Variants in NALF1 observed in about 807,000 individuals in gnomAD.
NALF1 encodes family with sequence similarity 155 member A.
NALF1 carries 3 observed loss-of-function variants against 48.4 expected under a neutral mutation model. The observed-to-expected ratio is 0.06, with a 90% confidence interval of 0.03 to 0.16. The LOEUF is 0.16. Among genes scored for constraint, NALF1 ranks in the 10% least tolerant of loss-of-function variants. The pLI, the probability that NALF1 is intolerant of heterozygous loss-of-function variation, is 1.00. For missense variants in NALF1, 526 were observed against 571.5 expected (o/e 0.92, Z 0.81); for synonymous variants, 262 against 245.7 (o/e 1.07, Z -0.62).
intron 1 of NALF1, among the ~76,000 whole-genome samples, chr13:107,389,479 G>C (rs1355388265): frequency 6.6e-6 from 1 of 152,148 alleles, no homozygotes; most frequent in African/African-American, 2.4e-5. Context: ...ACAAGCCAAG[G>C]AGAGGGGCTG....
At chr13:107,624,844 T>A (rs1389219975) in intron 1 of NALF1, among the ~76,000 whole-genome samples, 2 of 152,184 alleles carry the variant, frequency 1.3e-5, no homozygotes, top group Non-Finnish European at 2.9e-5. Context: ...CAGAAAGAGA[T>A]ATGAGATTAT....
At chr13:107,622,445 A>C (rs1879544253) in intron 1 of NALF1, among the ~76,000 whole-genome samples, 1 of 114,890 alleles carries the variant, frequency 8.7e-6, no homozygotes, top group African/African-American at 2.7e-5. Flanking sequence ...GTCTCAAAAA[A>C]ACAAACAAAC....
At chr13:107,525,220 G>T (rs1265135926) in intron 1 of NALF1, among the ~76,000 whole-genome samples, 2 of 152,024 alleles carry the variant, frequency 1.3e-5, no homozygotes, top group Non-Finnish European at 2.9e-5. Flanking sequence ...TCAGGATTAA[G>T]AAGAGTCCCG....
intron 1 of NALF1, among the ~76,000 whole-genome samples, chr13:107,304,588 C>T (rs913339249): frequency 6.6e-6 from 1 of 152,144 alleles, no homozygotes; most frequent in African/African-American, 2.4e-5. Context: ...GGATCCAAGA[C>T]CAGAAATTGT....
chr13:107,672,067 G>A (rs1403194883), intron 1 of NALF1, among the ~76,000 whole-genome samples: 1 of 152,112 alleles, frequency 6.6e-6, no homozygotes, highest in Non-Finnish European at 1.5e-5. Context: ...GCCCTAACAT[G>A]TTCGGAGAAC....
chr13:107,182,922 T>C (rs1159780999), intron 2 of NALF1, among the ~76,000 whole-genome samples: 2 of 152,320 alleles, frequency 1.3e-5, no homozygotes, highest in Non-Finnish European at 2.9e-5. Context: ...AAACGGGGGA[T>C]GGCAGGAATA....
chr13:107,570,285 C>A (rs1877947134), intron 1 of NALF1, among the ~76,000 whole-genome samples: 1 of 151,848 alleles, frequency 6.6e-6, no homozygotes, highest in African/African-American at 2.4e-5. Context: ...AGAGATAAAT[C>A]ATTCATTCTT....
intron 1 of NALF1, among the ~76,000 whole-genome samples, chr13:107,604,092 A>T (rs955540447): frequency 2.0e-5 from 3 of 152,348 alleles, no homozygotes; most frequent in Non-Finnish European, 4.4e-5. Context: ...TAAGCCATCA[A>T]AAAAAGCATT....
chr13:107,805,686 A>C (rs536437520), intron 1 of NALF1, among the ~76,000 whole-genome samples: 1 of 152,328 alleles, frequency 6.6e-6, no homozygotes, highest in Admixed American at 6.5e-5. Flanking sequence ...ATTTAATCCT[A>C]TGTGCGGTTA....
intron 1 of NALF1, among the ~76,000 whole-genome samples, chr13:107,740,091 C>T (rs1876589087): frequency 6.6e-6 from 1 of 152,122 alleles, no homozygotes; most frequent in Admixed American, 6.6e-5. Flanking sequence ...CATCCCTCTC[C>T]CCCAGTCTGT....
chr13:107,244,334 C>T (rs767610612), intron 1 of NALF1, among the ~76,000 whole-genome samples: 13 of 152,232 alleles, frequency 8.5e-5, no homozygotes, highest in Non-Finnish European at 1.6e-4. Context: ...TGTGCTGTCA[C>T]TTTCAAGAGT....
At chr13:107,634,500 T>C (rs903216591) in intron 1 of NALF1, among the ~76,000 whole-genome samples, 1 of 152,104 alleles carries the variant, frequency 6.6e-6, no homozygotes, top group Non-Finnish European at 1.5e-5. Flanking sequence ...TTTTCCAAAA[T>C]GTAGTATTTG....
intron 1 of NALF1, among the ~76,000 whole-genome samples, chr13:107,435,447 C>A (rs1430657808): frequency 6.6e-6 from 1 of 152,124 alleles, no homozygotes; most frequent in Non-Finnish European, 1.5e-5. Flanking sequence ...TGTTTCATTT[C>A]TCTCAGCGGT....
intron 1 of NALF1, among the ~76,000 whole-genome samples, chr13:107,849,962 T>C (rs1457878209): frequency 1.3e-5 from 2 of 152,238 alleles, no homozygotes; most frequent in Non-Finnish European, 2.9e-5. Context: ...GCTAATACTT[T>C]TAGTAATTTA....
At chr13:107,697,127 A>G (rs1279387924) in intron 1 of NALF1, among the ~76,000 whole-genome samples, 1 of 152,212 alleles carries the variant, frequency 6.6e-6, no homozygotes, top group Admixed American at 6.5e-5. Flanking sequence ...ATGATGACAC[A>G]GAAGTTAAGT....
intron 1 of NALF1, among the ~76,000 whole-genome samples, chr13:107,812,200 G>C (rs1374351951): frequency 6.6e-6 from 1 of 152,012 alleles, no homozygotes; most frequent in Non-Finnish European, 1.5e-5. Flanking sequence ...AAGTCTACAG[G>C]TAGCATAAAT....
chr13:107,740,887 C>T (rs997396840), intron 1 of NALF1, among the ~76,000 whole-genome samples: 5 of 152,122 alleles, frequency 3.3e-5, no homozygotes, highest in African/African-American at 7.2e-5. Flanking sequence ...GAAGGATAAG[C>T]TATTTCTTTT....
At chr13:107,313,678 A>G (rs1425996905) in intron 1 of NALF1, among the ~76,000 whole-genome samples, 1 of 152,178 alleles carries the variant, frequency 6.6e-6, no homozygotes, top group Non-Finnish European at 1.5e-5. Context: ...TTATGTAAAA[A>G]TGTAGATTCA....
At chr13:107,291,666 A>G (rs537603174) in intron 1 of NALF1, among the ~76,000 whole-genome samples, 2 of 152,308 alleles carry the variant, frequency 1.3e-5, no homozygotes, top group African/African-American at 4.8e-5. Flanking sequence ...CTCCCCTCTG[A>G]TATGATTTAT....
Sources: allele counts gnomAD v4.1 joint callset (sites outside exome capture counted in the v4.1 genomes callset), GRCh38; gene constraint gnomAD v4.1.1; transcripts MANE v1.5; gene names NCBI Gene and HGNC (gene_info 2026-07-23, HGNC 2026-07-21).